TMPRSS9: variants seen among roughly 807,000 people sequenced by gnomAD.
The protein encoded by TMPRSS9 is transmembrane protease serine 9.
TMPRSS9 carries 113 observed loss-of-function variants against 111.4 expected under a neutral mutation model. The ratio of observed to expected loss-of-function variants is 1.01; its 90% CI spans 0.87 to 1.19. The LOEUF (loss-of-function observed/expected upper bound fraction) is 1.19, where lower values mean the gene tolerates loss of function less well. Ranked by LOEUF, TMPRSS9 falls within the 50% of genes most tolerant of loss-of-function variation. TMPRSS9 has a pLI of 0.00. For synonymous variants in TMPRSS9, 805 were observed against 659.1 expected (o/e 1.22, Z -3.39); for missense variants, 1,803 against 1,513.1 (o/e 1.19, Z -3.18).
chr19:2,407,236 G>A (rs1409405178), intron 7 of TMPRSS9, among the ~76,000 whole-genome samples: 1 of 151,948 alleles, frequency 6.6e-6, no homozygotes. Flanking sequence ...TACTTGGACA[G>A]GCTATAGTGA....
intron 7 of TMPRSS9, among the ~76,000 whole-genome samples, chr19:2,406,756 T>A (rs1970978038): frequency 6.6e-6 from 1 of 151,958 alleles, no homozygotes; most frequent in South Asian, 2.1e-4. Flanking sequence ...ATTGTGGACA[T>A]TTTTTGCATT....
Position 2,416,530 on chromosome 19 carries a change from CTCCATAG to C in TMPRSS9, c.1746-7_1746-1del, listed in dbSNP as rs1568187758. 22 of 1,600,318 alleles carry C rather than the reference CTCCATAG, an allele frequency of 1.4e-5. No individual in the cohort carries two copies. In the South Asian group the frequency reaches 2.3e-4, roughly 17 times the overall value. ...GGGCAGGCATGTCTGAGGGCCCTGT[CTCCATAG>C]CACGAAGGTGGAGCAGGTTCGGGCC... is the stretch of plus-strand genomic sequence containing the variant. On this transcript the variant is annotated splice_acceptor_variant and splice_polypyrimidine_tract_variant and intron_variant, in intron 11 of 17. Transcript: ENST00000648592. LOFTEE classifies it high-confidence loss of function.
At chr19:2,375,165 G>A (rs73919621) in intron 1 of TMPRSS9, among the ~76,000 whole-genome samples, 16,836 of 152,200 alleles carry the variant, frequency 0.11, 1,805 homozygotes, top group African/African-American at 0.29. Flanking sequence ...TCTACACGTG[G>A]CAGTTTAGGA....
At chr19:2,372,208 C>T (rs1009715112) in intron 1 of TMPRSS9, among the ~76,000 whole-genome samples, 3 of 152,092 alleles carry the variant, frequency 2.0e-5, no homozygotes, top group Admixed American at 2.0e-4. Flanking sequence ...TGAGATCCCA[C>T]GTCCATTCTT....
At chr19:2,408,396 A>G (rs1599302124) in exon 8 of TMPRSS9, 3 of 1,613,702 alleles carry the variant, frequency 1.9e-6, no homozygotes, top group Non-Finnish European at 2.5e-6. Context: ...CGTGGGTGCG[A>G]CCTACCTCAG....
intron 1 of TMPRSS9, among the ~76,000 whole-genome samples, chr19:2,381,634 TC>T (rs1970386586): frequency 6.8e-6 from 1 of 146,456 alleles, no homozygotes; most frequent in Non-Finnish European, 1.5e-5. Flanking sequence ...CCTGCCTCAC[TC>T]CCCGCCACCC....
chr19:2,376,175 C>T (rs1193246041), intron 1 of TMPRSS9, among the ~76,000 whole-genome samples: 1 of 152,146 alleles, frequency 6.6e-6, no homozygotes, highest in Admixed American at 6.6e-5. Context: ...GAGGCACCCA[C>T]ATCCCTTGCT....
At position 2,410,794 on chromosome 19, in the gene TMPRSS9, C is replaced by T. The variant is rs552946644; in HGVS notation, c.1254+400C>T. Among the ~76,000 whole-genome samples the T allele has an allele frequency of 5.3e-5, 8 of 152,244 alleles. No homozygotes were observed. The South Asian group carries it at 6.2e-4, about 12-fold the overall frequency. On this transcript the variant is annotated intron_variant, in intron 9 of 17. Transcript: ENST00000648592. ...AATCCCCCCCAGCTGCCCTCCAAAC[C>T]GGGACTTGTGTGGGGACACAGACAC... is the stretch of plus-strand genomic sequence containing the variant.
intron 4 of TMPRSS9, among the ~76,000 whole-genome samples, chr19:2,400,296 A>G (rs963370662): frequency 2.0e-5 from 3 of 151,662 alleles, no homozygotes; most frequent in Admixed American, 6.6e-5. Context: ...AATTCCAGCA[A>G]TTTGGGAGGC....
intron 1 of TMPRSS9, among the ~76,000 whole-genome samples, chr19:2,374,937 CA>C (rs562197471): frequency 1.2e-4 from 19 of 152,202 alleles, no homozygotes; most frequent in Non-Finnish European, 2.6e-4. Flanking sequence ...CATATCCTGG[CA>C]CCAGGGGGCA....
At position 2,389,943 on chromosome 19, in the gene TMPRSS9, A is replaced by G; in HGVS notation, c.142+16A>G. 2 of 1,599,024 alleles carry G rather than the reference A, an allele frequency of 1.3e-6. No individual in the cohort carries two copies. Among genetic ancestry groups the G allele is most frequent in the Non-Finnish European group, 1.7e-6 (2 of 1,167,646 alleles). On this transcript the variant is annotated intron_variant, in intron 1 of 17. Transcript: ENST00000648592. ...GTCCTTTTGGGTAAGTGGCTATGGG[A>G]TTGGCTGGGTTCGCAATACAAGGGA...
At chr19:2,426,196 C>G (rs1378957401) in exon 18 of TMPRSS9, 15 of 859,754 alleles carry the variant, frequency 1.7e-5, no homozygotes, top group African/African-American at 5.2e-5. Flanking sequence ...TGTGGGGGGG[C>G]TGTGGGTCAT....
At chr19:2,398,949 G>A in intron 3 of TMPRSS9, 69 bp from the exon 5 acceptor site, 2 of 1,547,990 alleles carry the variant, frequency 1.3e-6, no homozygotes, top group Admixed American at 1.9e-5. Flanking sequence ...GAAGATTCTA[G>A]AAGATTCCAG....
chr19:2,363,936 G>A (rs540116677), intron 1 of TMPRSS9, among the ~76,000 whole-genome samples: 1 of 151,932 alleles, frequency 6.6e-6, no homozygotes, highest in Admixed American at 6.6e-5. Flanking sequence ...CCTGTCTCCT[G>A]TATACCCTGG....
At chr19:2,395,794 T>C (rs1970693399) in intron 1 of TMPRSS9, among the ~76,000 whole-genome samples, 1 of 151,948 alleles carries the variant, frequency 6.6e-6, no homozygotes, top group Admixed American at 6.6e-5. Flanking sequence ...GATCACGAGG[T>C]CAGGAGATAG....
At chr19:2,417,916 T>G in intron 12 of TMPRSS9, 86 bp from the exon 14 acceptor site, 1 of 1,540,832 alleles carries the variant, frequency 6.5e-7, no homozygotes, top group Non-Finnish European at 8.8e-7. Context: ...GTGGGGATGC[T>G]GCATCTCGGG....
chr19:2,377,475 T>TCCA (rs1259176922), intron 1 of TMPRSS9, among the ~76,000 whole-genome samples: 1 of 43,190 alleles, frequency 2.3e-5, no homozygotes, highest in Non-Finnish European at 4.1e-5. Flanking sequence ...CCCTCTCCCC[T>TCCA]CTCCTCTCTC....
intron 1 of TMPRSS9, among the ~76,000 whole-genome samples, chr19:2,377,267 ATG>A (rs1970343803): frequency 2.5e-5 from 3 of 119,052 alleles, no homozygotes; most frequent in Non-Finnish European, 4.9e-5. Flanking sequence ...GTATGTATGT[ATG>A]TATGTATGTA....
rs758187521 is a variant in TMPRSS9, at chr19:2,402,034, GC to G, written c.556+20del. Reference sequence around the variant, plus strand: ...CAAATCAGGTATGTTTTTCTCTCTGGCCTTTTCTCTGATTGCAGTTACTGAC... The same window carrying G: ...CAAATCAGGTATGTTTTTCTCTCTGGCTTTTCTCTGATTGCAGTTACTGAC... On this transcript the variant is annotated intron_variant, in intron 5 of 17. Coordinates refer to ENST00000648592, the Ensembl canonical transcript of TMPRSS9. 1 of 1,608,100 alleles carries G rather than the reference GC, an allele frequency of 6.2e-7. No individual in the cohort carries two copies. Among genetic ancestry groups the G allele is most frequent in the Non-Finnish European group, 8.5e-7 (1 of 1,176,430 alleles).
Sources: gnomAD v4.1 joint callset for allele counts (sites outside exome capture counted in the v4.1 genomes callset) on GRCh38, gnomAD v4.1.1 for gene constraint, MANE v1.5 for transcripts, NCBI Gene and HGNC (gene_info 2026-07-23, HGNC 2026-07-21) for gene names.